The following MCUB variants were observed in gnomAD, a reference collection of about 807,000 sequenced individuals.
The protein encoded by MCUB is calcium uniporter regulatory subunit MCUb, mitochondrial.
A neutral mutation model predicts 41.4 loss-of-function variants in MCUB; 46 were observed. The observed-to-expected ratio is 1.11, with a 90% CI of 0.88 to 1.42. The LOEUF (loss-of-function observed/expected upper bound fraction) is 1.42, where lower values mean the gene tolerates loss of function less well. MCUB is among the 40% of genes most tolerant of loss of function. The pLI is 0.00. For synonymous variants in MCUB, 148 were observed against 148.2 expected (o/e 1.00, Z 0.01); for missense variants, 403 against 404.9 (o/e 1.00, Z 0.04).
At chr4:109,561,379 T>TC (rs560340348) in intron 1 of MCUB, among the ~76,000 whole-genome samples, 67 of 152,024 alleles carry the variant, frequency 4.4e-4, no homozygotes, top group Non-Finnish European at 7.4e-4. Flanking sequence ...TTTTTTTCCT[T>TC]CCCCCCCTTT....
intron 1 of MCUB, among the ~76,000 whole-genome samples, chr4:109,586,792 A>C: frequency 6.6e-6 from 1 of 152,170 alleles, no homozygotes; most frequent in East Asian, 1.9e-4. Flanking sequence ...GAGGCTGCAG[A>C]ACAGCAAATA....
intron 5 of MCUB, among the ~76,000 whole-genome samples, chr4:109,683,858 G>A (rs1199601448): frequency 6.6e-6 from 1 of 152,316 alleles, no homozygotes; most frequent in African/African-American, 2.4e-5. Context: ...TTGGGTTTCA[G>A]AGGATGACTT....
chr4:109,581,980 A>G (rs947495954), intron 1 of MCUB, among the ~76,000 whole-genome samples: 10 of 152,220 alleles, frequency 6.6e-5, no homozygotes, highest in African/African-American at 2.4e-4. Flanking sequence ...GCGATTCCTC[A>G]GGGATCTAGA....
At chr4:109,580,829 C>T (rs1290496251) in intron 1 of MCUB, among the ~76,000 whole-genome samples, 3 of 152,238 alleles carry the variant, frequency 2.0e-5, no homozygotes, top group African/African-American at 7.2e-5. Context: ...TGTAGGTTGT[C>T]TGTTCACTCT....
intron 1 of MCUB, among the ~76,000 whole-genome samples, chr4:109,656,519 G>A (rs994259308): frequency 6.6e-6 from 1 of 151,806 alleles, no homozygotes; most frequent in African/African-American, 2.4e-5. Context: ...CAGGACTACA[G>A]GCATGTGCCA....
At chr4:109,598,608 G>T (rs147743854) in intron 1 of MCUB, among the ~76,000 whole-genome samples, 2,991 of 134,956 alleles carry the variant, frequency 0.022, 94 homozygotes, top group African/African-American at 0.065. Context: ...GAGGGAGACG[G>T]TGGGGAGACG....
At chr4:109,611,714 TTC>T (rs1157401137) in intron 1 of MCUB, among the ~76,000 whole-genome samples, 1 of 152,214 alleles carries the variant, frequency 6.6e-6, no homozygotes, top group Non-Finnish European at 1.5e-5. Context: ...GTATTTCTTT[TTC>T]TCTCTTTTTC....
intron 1 of MCUB, among the ~76,000 whole-genome samples, chr4:109,567,131 CAA>C (rs397994929): frequency 2.7e-4 from 15 of 55,996 alleles, no homozygotes; most frequent in African/African-American, 6.1e-4. Context: ...GACTCCATCT[CAA>C]AAAAAAAAAA....
intron 1 of MCUB, among the ~76,000 whole-genome samples, chr4:109,653,884 C>A (rs76120516): frequency 0.27 from 41,390 of 152,100 alleles, 6,313 homozygotes; most frequent in East Asian, 0.47. Flanking sequence ...CTAAGATGGG[C>A]TTTTTACATG....
intron 1 of MCUB, among the ~76,000 whole-genome samples, chr4:109,639,310 G>C (rs1031277426): frequency 3.3e-5 from 5 of 152,010 alleles, no homozygotes; most frequent in Non-Finnish European, 7.4e-5. Flanking sequence ...AGAGCTCTTG[G>C]ATGAACAGAT....
intron 1 of MCUB, among the ~76,000 whole-genome samples, chr4:109,657,007 C>T (rs1729119014): frequency 6.6e-6 from 1 of 152,114 alleles, no homozygotes; most frequent in Non-Finnish European, 1.5e-5. Flanking sequence ...ATCACAAGTT[C>T]AGGAGTTTGA....
At chr4:109,675,722 T>G (rs1423610668) in intron 4 of MCUB, among the ~76,000 whole-genome samples, 1 of 152,204 alleles carries the variant, frequency 6.6e-6, no homozygotes, top group Admixed American at 6.5e-5. Flanking sequence ...GGCACTGCCC[T>G]AATGAATAGA....
intron 1 of MCUB, among the ~76,000 whole-genome samples, chr4:109,638,315 C>G (rs540433692): frequency 5.1e-4 from 77 of 152,010 alleles, no homozygotes; most frequent in Non-Finnish European, 9.7e-4. Flanking sequence ...TGAGATCATG[C>G]CAGTGCACTC....
intron 1 of MCUB, among the ~76,000 whole-genome samples, chr4:109,587,167 G>A (rs899035041): frequency 1.7e-4 from 26 of 152,342 alleles, no homozygotes; most frequent in Admixed American, 1.2e-3. Context: ...CAGCAATGGC[G>A]GATGCCCCTC....
rs904782920 is a variant in MCUB, at chr4:109,669,986, G to A, written c.451+5592G>A. 5.9e-5 allele frequency among the ~76,000 whole-genome samples: 9 copies of A among 152,156 alleles called. No individual in the cohort carries two copies. The South Asian group carries it at 6.2e-4, about 10-fold the overall frequency. ...TGTAGTTATTTCAAGTTGCTAGTCC[G>A]ATAATTCCAATGTTCCTGCCATGTC... On this transcript the variant is annotated intron_variant, in intron 4 of 7. Transcript: ENST00000394650.
intron 4 of MCUB, among the ~76,000 whole-genome samples, chr4:109,670,934 G>A (rs11736978): frequency 0.37 from 55,946 of 151,812 alleles, 10,508 homozygotes; most frequent in African/African-American, 0.42. Flanking sequence ...TCCACGCTGA[G>A]CCTCCAGCAA....
Position 109,560,330 on chromosome 4 carries a change from G to A in MCUB, c.-8G>A, listed in dbSNP as rs1007824423. ...CGCCTGCGGGAGCCGCGCGCCTGGG[G>A]CGGGAGGATGCTCCAGAGGGGCCTC... On this transcript the variant is annotated 5_prime_UTR_variant, in exon 1 of 8. Coordinates refer to ENST00000394650, the MANE Select transcript of MCUB (RefSeq NM_017918.5). The A allele has an allele frequency of 1.6e-6, 2 of 1,252,922 alleles. No individual in the cohort carries two copies. Among genetic ancestry groups the A allele is most frequent in the Non-Finnish European group, 2.0e-6 (2 of 996,176 alleles). The allele number at this position is 1,252,922 out of a possible 1,614,324, so 77.6% of individuals were successfully genotyped here.
At chr4:109,687,451 A>T in intron 7 of MCUB, 64 bp from the exon 8 acceptor site, 1 of 1,118,960 alleles carries the variant, frequency 8.9e-7, no homozygotes, top group Non-Finnish European at 1.4e-6. Flanking sequence ...AATTCCTCTC[A>T]AGCAGTAATG....
chr4:109,649,040 T>A (rs1728903285), intron 1 of MCUB, among the ~76,000 whole-genome samples: 2 of 152,210 alleles, frequency 1.3e-5, no homozygotes, highest in African/African-American at 4.8e-5. Context: ...TTCTCATGCA[T>A]TCTTATTCCT....
Sources: gnomAD v4.1 joint callset for allele counts (sites outside exome capture counted in the v4.1 genomes callset) on GRCh38, gnomAD v4.1.1 for gene constraint, MANE v1.5 for transcripts, NCBI Gene and HGNC (gene_info 2026-07-23, HGNC 2026-07-21) for gene names.